Variants in CDH19 observed in about 807,000 individuals in gnomAD.
CDH19 encodes cadherin-19.
Under a neutral mutation model 64.2 loss-of-function variants are expected in CDH19, and 67 were observed. The observed-to-expected ratio is 1.04, with a 90% CI of 0.86 to 1.28. The LOEUF is 1.28. Among genes scored for constraint, CDH19 ranks in the 50% most tolerant of loss-of-function variants. The pLI, the probability that CDH19 is intolerant of heterozygous loss-of-function variation, is 0.00. For missense variants in CDH19, 1,030 were observed against 929.0 expected (o/e 1.11, Z -1.41); for synonymous variants, 346 against 319.3 (o/e 1.08, Z -0.89).
At chr18:66,539,582 T>A (rs569072318) in intron 7 of CDH19, among the ~76,000 whole-genome samples, 1 of 152,226 alleles carries the variant, frequency 6.6e-6, no homozygotes, top group Non-Finnish European at 1.5e-5. Flanking sequence ...TGAAACTATT[T>A]TAATATATAG....
In CDH19 at chr18:66,595,754, T is replaced by A. The variant is rs76425583; in HGVS notation, c.-113+8200A>T. On this transcript the variant is annotated intron_variant, in intron 1 of 11. Transcript: ENST00000262150. ...CAGATACTATAAAGAAGACGGGGTA[T>A]CAATTTTACTGAAACTATTTCAAAA... Among the ~76,000 whole-genome samples, 1,122 of 152,210 alleles carry A rather than the reference T, an allele frequency of 7.4e-3. 13 individuals carry two copies. Among genetic ancestry groups the A allele is most frequent in the African/African-American group, 0.026 (1,065 of 41,540 alleles).
intron 7 of CDH19, among the ~76,000 whole-genome samples, chr18:66,539,886 G>T (rs1323436583): frequency 1.3e-5 from 2 of 151,962 alleles, no homozygotes; most frequent in Non-Finnish European, 2.9e-5. Flanking sequence ...ATGGTTGTTT[G>T]TAAATGTATA....
At chr18:66,581,373 A>G (rs902355860) in intron 1 of CDH19, among the ~76,000 whole-genome samples, 9 of 152,110 alleles carry the variant, frequency 5.9e-5, no homozygotes, top group African/African-American at 1.7e-4. Flanking sequence ...TTAGGTGTCA[A>G]CTTGATTGGA....
chr18:66,516,184 T>C (rs1185681051), intron 9 of CDH19, among the ~76,000 whole-genome samples: 2 of 151,878 alleles, frequency 1.3e-5, no homozygotes, highest in African/African-American at 4.8e-5. Context: ...AGGCTCTAAG[T>C]TGGGAATGAC....
intron 1 of CDH19, among the ~76,000 whole-genome samples, chr18:66,580,477 T>C (rs936169537): frequency 5.9e-5 from 9 of 152,100 alleles, no homozygotes; most frequent in African/African-American, 2.2e-4. Flanking sequence ...AGTTAGTAAG[T>C]CTAGGCAGAG....
chr18:66,582,489 G>T (rs1412408205), intron 1 of CDH19, among the ~76,000 whole-genome samples: 3 of 151,912 alleles, frequency 2.0e-5, no homozygotes, highest in Middle Eastern at 3.2e-3. Flanking sequence ...TAAGTGAAAA[G>T]GAAGCAATAT....
At chr18:66,559,381 T>G (rs1370010278) in intron 3 of CDH19, among the ~76,000 whole-genome samples, 1 of 151,928 alleles carries the variant, frequency 6.6e-6, no homozygotes, top group African/African-American at 2.4e-5. Context: ...TTAAAACTTT[T>G]CCTCTGCAAT....
chr18:66,599,348 T>G (rs1988984046), intron 1 of CDH19, among the ~76,000 whole-genome samples: 1 of 152,058 alleles, frequency 6.6e-6, no homozygotes, highest in South Asian at 2.1e-4. Context: ...ATGTGGAATC[T>G]AAAACAATGG....
intron 5 of CDH19, among the ~76,000 whole-genome samples, chr18:66,547,677 T>TATATATGA (rs1987172133): frequency 2.9e-5 from 4 of 137,440 alleles, no homozygotes; most frequent in African/African-American, 1.2e-4. Context: ...TTTTTTTTTT[T>TATATATGA]TTTTTTTTGA....
intron 9 of CDH19, among the ~76,000 whole-genome samples, chr18:66,517,432 A>G (rs1340039514): frequency 6.6e-6 from 1 of 152,104 alleles, no homozygotes; most frequent in African/African-American, 2.4e-5. Context: ...TTTGCACCAC[A>G]TGGCAAAGGC....
chr18:66,598,559 A>G (rs1376000056), intron 1 of CDH19, among the ~76,000 whole-genome samples: 1 of 152,164 alleles, frequency 6.6e-6, no homozygotes, highest in Non-Finnish European at 1.5e-5. Context: ...GGAGGCCATT[A>G]TCTCAAGCAA....
At chr18:66,590,543 A>G (rs1988713540) in intron 1 of CDH19, among the ~76,000 whole-genome samples, 1 of 151,410 alleles carries the variant, frequency 6.6e-6, no homozygotes, top group African/African-American at 2.4e-5. Flanking sequence ...AAAAAAAGAA[A>G]ATGCATGTAG....
intron 3 of CDH19, among the ~76,000 whole-genome samples, chr18:66,562,299 C>T (rs1987752204): frequency 6.6e-6 from 1 of 151,684 alleles, no homozygotes; most frequent in South Asian, 2.1e-4. Flanking sequence ...TAGATAGTCC[C>T]ACCTGGCAGT....
chr18:66,524,983 AG>A (rs1368844032), intron 9 of CDH19, among the ~76,000 whole-genome samples: 2 of 152,118 alleles, frequency 1.3e-5, no homozygotes, highest in African/African-American at 4.8e-5. Context: ...TTGAAACCTA[AG>A]AAAGTATATA....
chr18:66,547,681 T>A (rs1987172758), intron 5 of CDH19, among the ~76,000 whole-genome samples: 1 of 138,986 alleles, frequency 7.2e-6, no homozygotes, highest in African/African-American at 2.9e-5. Flanking sequence ...TTTTTTTTTT[T>A]TTTTGAGACG....
At chr18:66,554,927 C>T (rs1181930497) in intron 3 of CDH19, among the ~76,000 whole-genome samples, 2 of 151,732 alleles carry the variant, frequency 1.3e-5, no homozygotes, top group Non-Finnish European at 2.9e-5. Context: ...GTACCTTAAA[C>T]AAAGTGGAGA....
At chr18:66,530,356 G>A (rs924904424) in intron 8 of CDH19, among the ~76,000 whole-genome samples, 2 of 151,950 alleles carry the variant, frequency 1.3e-5, no homozygotes, top group Non-Finnish European at 2.9e-5. Context: ...CAATTTTACG[G>A]ATAAAAAATT....
chr18:66,555,564 A>C (rs1987486997), intron 3 of CDH19, among the ~76,000 whole-genome samples: 1 of 151,786 alleles, frequency 6.6e-6, no homozygotes, highest in Non-Finnish European at 1.5e-5. Flanking sequence ...TTGAAGTAGA[A>C]TTTCTTCTTA....
At chr18:66,575,765 A>C (rs1412145386) in intron 1 of CDH19, among the ~76,000 whole-genome samples, 1 of 151,894 alleles carries the variant, frequency 6.6e-6, no homozygotes, top group Non-Finnish European at 1.5e-5. Flanking sequence ...CTATGCAAAA[A>C]TAGAATCACC....
Sources: allele counts gnomAD v4.1 joint callset (sites outside exome capture counted in the v4.1 genomes callset), GRCh38; gene constraint gnomAD v4.1.1; transcripts MANE v1.5; gene names NCBI Gene and HGNC (gene_info 2026-07-23, HGNC 2026-07-21).